PLAAT3: variants seen among roughly 807,000 people sequenced by gnomAD.
The protein encoded by PLAAT3 is Ca-independent phospholipase A1/2.
PLAAT3 carries 21 observed loss-of-function variants against 16.7 expected under a neutral mutation model. The ratio of observed to expected loss-of-function variants is 1.26; its 90% confidence interval spans 0.89 to 1.81. The LOEUF (loss-of-function observed/expected upper bound fraction) is 1.81. Among genes scored for constraint, PLAAT3 ranks in the 40% most tolerant of loss-of-function variants. The pLI is 0.00. For synonymous variants in PLAAT3, 76 were observed against 81.7 expected, an observed-to-expected ratio of 0.93 and a Z score of 0.38; for missense variants, 219 against 213.7, an observed-to-expected ratio of 1.02 and a Z score of -0.16.
intron 4 of PLAAT3, among the ~76,000 whole-genome samples, chr11:63,576,758 T>C (rs1205174000): frequency 1.3e-5 from 2 of 152,244 alleles, no homozygotes; most frequent in Non-Finnish European, 2.9e-5. Context: ...TAGCATCTCT[T>C]TCCTAACCTA....
intron 4 of PLAAT3, among the ~76,000 whole-genome samples, chr11:63,582,688 C>A (rs1009274135): frequency 6.6e-6 from 1 of 152,320 alleles, no homozygotes; most frequent in Non-Finnish European, 1.5e-5. Flanking sequence ...GTGTTAATTA[C>A]ACTGCTGTGT....
chr11:63,578,111 A>G (rs369506335), intron 4 of PLAAT3, among the ~76,000 whole-genome samples: 15 of 152,084 alleles, frequency 9.9e-5, no homozygotes, highest in African/African-American at 3.4e-4. Context: ...GTGAAACCCC[A>G]TCTCTACTAA....
intron 2 of PLAAT3, among the ~76,000 whole-genome samples, chr11:63,603,597 A>T (rs994971982): frequency 6.6e-6 from 1 of 151,940 alleles, no homozygotes; most frequent in African/African-American, 2.4e-5. Flanking sequence ...AAACCTGCAC[A>T]TCCTGCACAT....
At chr11:63,607,488 C>T (rs1020469938) in intron 2 of PLAAT3, among the ~76,000 whole-genome samples, 4 of 151,762 alleles carry the variant, frequency 2.6e-5, no homozygotes, top group South Asian at 4.2e-4. Context: ...TGTGAGACCC[C>T]ATCTCTAAAA....
At chr11:63,598,921 T>C (rs1353154219) in intron 2 of PLAAT3, among the ~76,000 whole-genome samples, 1 of 152,132 alleles carries the variant, frequency 6.6e-6, no homozygotes, top group Non-Finnish European at 1.5e-5. Flanking sequence ...AGTGTGCGTA[T>C]GTGAGAAGGG....
At chr11:63,613,797 C>T (rs1046834514) in intron 2 of PLAAT3, among the ~76,000 whole-genome samples, 2 of 152,378 alleles carry the variant, frequency 1.3e-5, no homozygotes, top group East Asian at 1.9e-4. Flanking sequence ...CCCACACCGG[C>T]CCCCGGAAGG....
chr11:63,586,506 A>G (rs1937982846), intron 4 of PLAAT3, among the ~76,000 whole-genome samples: 1 of 152,190 alleles, frequency 6.6e-6, no homozygotes, highest in Admixed American at 6.5e-5. Context: ...TATTTTGTAA[A>G]CCTACCAAAT....
chr11:63,579,805 TG>T (rs1189985763), intron 4 of PLAAT3, among the ~76,000 whole-genome samples: 1 of 145,150 alleles, frequency 6.9e-6, no homozygotes, highest in Non-Finnish European at 1.5e-5. Flanking sequence ...CACACCAACA[TG>T]GCACATGTAT....
At chr11:63,599,895 A>C (rs1387182607) in intron 2 of PLAAT3, among the ~76,000 whole-genome samples, 1 of 152,164 alleles carries the variant, frequency 6.6e-6, no homozygotes, top group Non-Finnish European at 1.5e-5. Flanking sequence ...ATGTTGAGTA[A>C]TAAGCAGCTG....
chr11:63,606,431 C>T (rs1349088803), intron 2 of PLAAT3, among the ~76,000 whole-genome samples: 1 of 150,018 alleles, frequency 6.7e-6, no homozygotes, highest in East Asian at 2.0e-4. Context: ...ATAAAACACA[C>T]ACACACACAC....
At chr11:63,606,351 C>A (rs1425951111) in intron 2 of PLAAT3, among the ~76,000 whole-genome samples, 8 of 151,534 alleles carry the variant, frequency 5.3e-5, no homozygotes, top group Admixed American at 3.9e-4. Flanking sequence ...GCTGGGAGGC[C>A]GAGGCGGGTG....
rs1165840160 is a variant in PLAAT3 at position 63,601,000 on chromosome 11, ATTTTT to A, written c.16-2842_16-2838del. 4.6e-5 allele frequency among the ~76,000 whole-genome samples: 7 copies of A among 151,346 alleles called. No homozygotes were observed. The East Asian group carries it at 1.4e-3, about 29-fold the overall frequency. On this transcript the variant is annotated intron_variant, in intron 2 of 4. Coordinates refer to ENST00000415826, the MANE Select transcript of PLAAT3 (RefSeq NM_001128203.2). Reference sequence around the variant, plus strand: ...CACTGAAAGGGTAAGTTATAACTTAATTTTTTTTAAGAAACTAAATTTTAAAAATA... The same window carrying A: ...CACTGAAAGGGTAAGTTATAACTTAATTTAAGAAACTAAATTTTAAAAATA...
chr11:63,613,075 C>G (rs1427348455), intron 2 of PLAAT3, among the ~76,000 whole-genome samples: 1 of 152,078 alleles, frequency 6.6e-6, no homozygotes, highest in Non-Finnish European at 1.5e-5. Flanking sequence ...AAAATGTGTG[C>G]TAGGCATTGT....
intron 2 of PLAAT3, among the ~76,000 whole-genome samples, chr11:63,613,384 C>G (rs565655683): frequency 1.7e-4 from 26 of 152,144 alleles, no homozygotes; most frequent in African/African-American, 6.0e-4. Context: ...GCACTCCAGC[C>G]TGGGTGACAG....
At chr11:63,616,765 C>G (rs995858179), upstream of PLAAT3, 3 of 151,986 alleles carry the variant, frequency 2.0e-5, no homozygotes, top group East Asian at 5.9e-4. Flanking sequence ...GGGTGGATCA[C>G]GAGGTCAGGA....
intron 4 of PLAAT3, among the ~76,000 whole-genome samples, chr11:63,579,872 T>TAAAAAAAAAAA (rs34817353): frequency 2.8e-5 from 3 of 107,074 alleles, no homozygotes; most frequent in Non-Finnish European, 6.0e-5. Flanking sequence ...TAAAGTATAA[T>TAAAAAAAAAAA]AAAAAAAAAA....
At chr11:63,606,341 G>A (rs1394478434) in intron 2 of PLAAT3, among the ~76,000 whole-genome samples, 2 of 151,910 alleles carry the variant, frequency 1.3e-5, no homozygotes, top group African/African-American at 2.4e-5. Context: ...ATCCCAGCAC[G>A]CTGGGAGGCC....
chr11:63,585,982 T>C (rs1165269881), intron 4 of PLAAT3, among the ~76,000 whole-genome samples: 1 of 152,070 alleles, frequency 6.6e-6, no homozygotes, highest in Admixed American at 6.5e-5. Context: ...TTTGGGAGAC[T>C]GAGGCAGGAG....
intron 4 of PLAAT3, among the ~76,000 whole-genome samples, chr11:63,586,040 G>A (rs1290114325): frequency 1.3e-5 from 2 of 152,100 alleles, no homozygotes; most frequent in African/African-American, 4.8e-5. Flanking sequence ...AACAAAGTGA[G>A]ACCCTGTCTC....
Sources: allele counts gnomAD v4.1 joint callset (sites outside exome capture counted in the v4.1 genomes callset), GRCh38; gene constraint gnomAD v4.1.1; transcripts MANE v1.5; gene names NCBI Gene and HGNC (gene_info 2026-07-23, HGNC 2026-07-21).